The following TANC2 variants were observed in gnomAD, a reference collection of about 807,000 sequenced individuals.
The protein encoded by TANC2 is tetratricopeptide repeat, ankyrin repeat and coiled-coil containing 2.
Under a neutral mutation model 210.5 loss-of-function variants are expected in TANC2, and 26 were observed. The ratio of observed to expected loss-of-function variants is 0.12; its 90% CI spans 0.09 to 0.17. The LOEUF (loss-of-function observed/expected upper bound fraction) is 0.17, where lower values mean the gene tolerates loss of function less well. Among genes scored for constraint, TANC2 ranks in the 10% least tolerant of loss-of-function variants. The pLI is 1.00. For missense variants in TANC2, 2,129 were observed against 2,608.9 expected (o/e 0.82, Z 4.01); for synonymous variants, 931 against 967.1 (o/e 0.96, Z 0.69).
At chr17:63,166,331 T>G (rs958840038) in intron 5 of TANC2, among the ~76,000 whole-genome samples, 29 of 150,744 alleles carry the variant, frequency 1.9e-4, no homozygotes, top group South Asian at 2.1e-4. Flanking sequence ...GAGAGAGAGA[T>G]AGAGATTGTT....
intron 4 of TANC2, among the ~76,000 whole-genome samples, chr17:63,128,210 A>G (rs924376577): frequency 3.4e-4 from 51 of 152,198 alleles, no homozygotes; most frequent in Admixed American, 6.6e-4. Context: ...CTCAATAATA[A>G]TTGTACATTT....
At chr17:63,311,393 T>C (rs1364811991) in intron 9 of TANC2, among the ~76,000 whole-genome samples, 1 of 152,224 alleles carries the variant, frequency 6.6e-6, no homozygotes, top group Non-Finnish European at 1.5e-5. Context: ...ATATATAGTA[T>C]GATCCCATTT....
rs368614050 is a variant in TANC2 at position 63,351,324 on chromosome 17, T to C, written c.1882T>C (p.Tyr628His). 7.0e-5 allele frequency: 112 copies of C among 1,610,998 alleles called. No homozygotes were observed. The highest frequency in any genetic ancestry group is 8.6e-5 in the Non-Finnish European group (101 of 1,178,798). Residue 628 changes from tyrosine (Y) to histidine (H), a missense_variant, in exon 13 of 28, where the codon TAT becomes CAT. By Grantham distance (83) the Tyr-to-His change is moderately conservative (BLOSUM62 2). This residue lies in a region of TANC2 where 739 missense variants were observed against 848.0 expected (regional missense o/e 0.87). Transcript: ENST00000689528. ...TGAAGCAGAATTTCACAAACCGGAT[T>C]ATGGGGATACAATTGTATCGTTTCT...
exon 8 of TANC2, chr17:63,237,906 T>G: frequency 6.3e-7 from 1 of 1,576,822 alleles, no homozygotes; most frequent in Non-Finnish European, 8.6e-7. Flanking sequence ...CATAAAACCT[T>G]GGCAGTCTCA....
chr17:63,130,357 C>G (rs756377145), intron 4 of TANC2, among the ~76,000 whole-genome samples: 1 of 151,872 alleles, frequency 6.6e-6, no homozygotes, highest in Non-Finnish European at 1.5e-5. Context: ...ACTAAAAATA[C>G]AAAAATTAGC....
chr17:62,979,521 T>C (rs1200934417), intron 1 of TANC2, among the ~76,000 whole-genome samples: 2 of 152,218 alleles, frequency 1.3e-5, no homozygotes, highest in Non-Finnish European at 2.9e-5. Context: ...TTATTTGAAA[T>C]AAATTTTAAA....
intron 3 of TANC2, among the ~76,000 whole-genome samples, chr17:63,092,465 C>T (rs1022791117): frequency 6.6e-6 from 1 of 151,716 alleles, no homozygotes; most frequent in Non-Finnish European, 1.5e-5. Flanking sequence ...TGATGTTGAG[C>T]ATCTGTATTA....
intron 17 of TANC2, among the ~76,000 whole-genome samples, chr17:63,392,158 A>T (rs2048000649): frequency 1.3e-5 from 2 of 152,172 alleles, no homozygotes; most frequent in African/African-American, 2.4e-5. Context: ...CATTAAAGTC[A>T]TAGGCTTTGG....
At chr17:63,266,330 G>A (rs1193390974) in intron 8 of TANC2, among the ~76,000 whole-genome samples, 1 of 151,950 alleles carries the variant, frequency 6.6e-6, no homozygotes, top group African/African-American at 2.4e-5. Flanking sequence ...AGAAACTATG[G>A]TAAAAGTATT....
At chr17:63,405,223 C>G (rs1156572294) in exon 20 of TANC2, 1 of 1,602,996 alleles carries the variant, frequency 6.2e-7, no homozygotes, top group South Asian at 1.1e-5. Context: ...AGCAGTGCCA[C>G]TATTCAGCAC....
At chr17:63,049,992 TGA>T (rs960050217) in intron 2 of TANC2, among the ~76,000 whole-genome samples, 1 of 151,986 alleles carries the variant, frequency 6.6e-6, no homozygotes, top group African/African-American at 2.4e-5. Flanking sequence ...AGGAAGACTG[TGA>T]GAGGAGCAGG....
intron 12 of TANC2, among the ~76,000 whole-genome samples, chr17:63,345,511 C>T (rs1009836639): frequency 4.7e-5 from 7 of 149,968 alleles, no homozygotes; most frequent in African/African-American, 9.8e-5. Context: ...CCCAGCTACT[C>T]GGGAGGCTGA....
chr17:63,000,119 C>T (rs1240375124), intron 1 of TANC2, among the ~76,000 whole-genome samples: 1 of 152,144 alleles, frequency 6.6e-6, no homozygotes, highest in Non-Finnish European at 1.5e-5. Context: ...AAAAAATTAC[C>T]TATTAGATAC....
At chr17:63,276,916 C>T (rs1005752417) in intron 9 of TANC2, among the ~76,000 whole-genome samples, 1 of 152,052 alleles carries the variant, frequency 6.6e-6, no homozygotes, top group African/African-American at 2.4e-5. Flanking sequence ...ATATAAAAAG[C>T]AATCGGTAAT....
chr17:63,299,674 G>C (rs906763574), intron 9 of TANC2, among the ~76,000 whole-genome samples: 14 of 151,510 alleles, frequency 9.2e-5, no homozygotes. Flanking sequence ...TGTAGATTCT[G>C]GGTATTAGAC....
At chr17:63,065,269 CA>C (rs1427757307) in intron 2 of TANC2, among the ~76,000 whole-genome samples, 1 of 152,166 alleles carries the variant, frequency 6.6e-6, no homozygotes, top group Non-Finnish European at 1.5e-5. Context: ...TGTATTCACC[CA>C]CACATTCACC....
In TANC2 at chr17:63,420,805, C is replaced by T. The variant is rs1164732977; in HGVS notation, c.5075C>T (p.Ala1692Val). The change falls in exon 28 of 28, where the codon GCC (alanine) becomes GTC (valine). Residue 1692 changes from alanine to valine, a missense_variant. By Grantham distance (64) the Ala-to-Val change is moderately conservative (BLOSUM62 0). This residue lies in a region of TANC2 where 584 missense variants were observed against 627.3 expected (regional missense o/e 0.93). Coordinates refer to ENST00000689528, the Ensembl canonical transcript of TANC2. The surrounding 1 kb of genome is among the most constrained non-coding windows in gnomAD (Gnocchi z 4.2). ...CAGCAAGGGCTCAGGCTACAGCCTGCCAAGGCCCAGATTGTGAGAAGTAAC... is the reference window on the plus strand; with the variant it reads ...CAGCAAGGGCTCAGGCTACAGCCTGTCAAGGCCCAGATTGTGAGAAGTAAC... 1.2e-6 allele frequency: 2 copies of T among 1,614,004 alleles called. No homozygotes were observed. The highest frequency in any genetic ancestry group is 1.7e-6 in the Non-Finnish European group (2 of 1,179,884).
intron 12 of TANC2, among the ~76,000 whole-genome samples, chr17:63,343,130 T>C (rs1053633324): frequency 1.3e-5 from 2 of 152,196 alleles, no homozygotes; most frequent in African/African-American, 4.8e-5. Flanking sequence ...ATATCAACAA[T>C]TACATTACAT....
At chr17:63,080,806 A>G (rs529246329) in intron 3 of TANC2, among the ~76,000 whole-genome samples, 2 of 152,268 alleles carry the variant, frequency 1.3e-5, no homozygotes, top group Admixed American at 1.3e-4. Context: ...ATCTCAGTAT[A>G]AGAATATATC....
Sources: allele counts gnomAD v4.1 joint callset (sites outside exome capture counted in the v4.1 genomes callset), GRCh38; gene constraint gnomAD v4.1.1; regional missense constraint gnomAD v4.1.1; non-coding constraint Gnocchi (gnomAD v3.1); transcripts MANE v1.5; gene names NCBI Gene and HGNC (gene_info 2026-07-23, HGNC 2026-07-21).